The following XYLT1 variants were observed in gnomAD, a reference collection of about 807,000 sequenced individuals.
XYLT1 encodes beta-D-xylosyltransferase 1.
A neutral mutation model predicts 91.3 loss-of-function variants in XYLT1; 36 were observed. That is an observed-to-expected ratio of 0.39 (90% CI 0.30 to 0.52). The LOEUF (loss-of-function observed/expected upper bound fraction) is 0.52. Ranked by LOEUF, XYLT1 falls within the 20% of genes least tolerant of loss-of-function variation. The pLI is 0.68. For synonymous variants in XYLT1, 588 were observed against 532.0 expected, an observed-to-expected ratio of 1.11 and a Z score of -1.45; for missense variants, 1,242 against 1,284.5, an observed-to-expected ratio of 0.97 and a Z score of 0.51.
Position 17,469,575 on chromosome 16 carries a change from C to A in XYLT1, c.363+859G>T, listed in dbSNP as rs1352068519. Among the ~76,000 whole-genome samples, 3 of 152,190 alleles carry A rather than the reference C, an allele frequency of 2.0e-5. No individual in the cohort carries two copies. The South Asian group carries it at 6.2e-4, about 32-fold the overall frequency. ...ACAAGTCAGTTCCCCACCCAGCCAC[C>A]CAGATGGCCCCAGATCTGCGGAAAA... On this transcript the variant is annotated intron_variant, in intron 1 of 11. Coordinates refer to ENST00000261381, the MANE Select transcript of XYLT1 (RefSeq NM_022166.4).
intron 1 of XYLT1, among the ~76,000 whole-genome samples, chr16:17,368,204 G>T (rs542860416): frequency 6.6e-6 from 1 of 152,152 alleles, no homozygotes; most frequent in Non-Finnish European, 1.5e-5. Context: ...GCTACAGCTC[G>T]GGATGTAGAG....
At chr16:17,267,762 T>C (rs2033828662) in intron 2 of XYLT1, among the ~76,000 whole-genome samples, 1 of 152,194 alleles carries the variant, frequency 6.6e-6, no homozygotes, top group Admixed American at 6.5e-5. Flanking sequence ...GGTTGAAATC[T>C]GGACCCTGGC....
intron 2 of XYLT1, among the ~76,000 whole-genome samples, chr16:17,325,058 G>GA (rs953380146): frequency 6.6e-5 from 10 of 150,722 alleles, no homozygotes; most frequent in Admixed American, 4.0e-4. Flanking sequence ...TAGCCTCATG[G>GA]AAAAAAAAAT....
chr16:17,239,858 A>C (rs1223171281), intron 3 of XYLT1, among the ~76,000 whole-genome samples: 4 of 152,058 alleles, frequency 2.6e-5, no homozygotes, highest in Non-Finnish European at 4.4e-5. Context: ...TCCATCCATT[A>C]ATTGACTCAT....
At chr16:17,278,169 C>T (rs1188953169) in intron 2 of XYLT1, among the ~76,000 whole-genome samples, 1 of 152,150 alleles carries the variant, frequency 6.6e-6, no homozygotes. Context: ...GCCAGCCGTG[C>T]CCAGACTTCT....
intron 5 of XYLT1, among the ~76,000 whole-genome samples, chr16:17,191,329 G>A (rs1252569225): frequency 2.6e-5 from 4 of 152,176 alleles, no homozygotes; most frequent in African/African-American, 9.7e-5. Context: ...AGACTAAAGG[G>A]ATGTGATCTG....
chr16:17,235,552 A>T (rs983436757), intron 3 of XYLT1, among the ~76,000 whole-genome samples: 10 of 152,180 alleles, frequency 6.6e-5, no homozygotes, highest in Admixed American at 2.0e-4. Context: ...TGTATGCACG[A>T]AAGGGACTGT....
At chr16:17,159,761 C>T (rs1416264437) in intron 5 of XYLT1, among the ~76,000 whole-genome samples, 1 of 152,196 alleles carries the variant, frequency 6.6e-6, no homozygotes, top group African/African-American at 2.4e-5. Context: ...AATTTATCCC[C>T]ATCAATCTCA....
intron 2 of XYLT1, among the ~76,000 whole-genome samples, chr16:17,325,435 T>C (rs1409699483): frequency 2.0e-5 from 3 of 152,192 alleles, no homozygotes; most frequent in Admixed American, 6.5e-5. Context: ...TAGAAGATGC[T>C]TTTGCAATTT....
At chr16:17,168,563 T>A (rs2031752617) in intron 5 of XYLT1, among the ~76,000 whole-genome samples, 1 of 151,922 alleles carries the variant, frequency 6.6e-6, no homozygotes, top group Admixed American at 6.6e-5. Context: ...GGAGCAAACC[T>A]GCACACGTAC....
Position 17,343,987 on chromosome 16 carries a change from G to A in XYLT1, c.402+14025C>T, listed in dbSNP as rs111740106. Among the ~76,000 whole-genome samples, 405 of 152,270 alleles carry A rather than the reference G, an allele frequency of 2.7e-3. 2 individuals carry two copies. Among genetic ancestry groups the A allele is most frequent in the African/African-American group, 9.2e-3 (384 of 41,536 alleles). On this transcript the variant is annotated intron_variant, in intron 2 of 11. Coordinates refer to ENST00000261381, the MANE Select transcript of XYLT1 (RefSeq NM_022166.4). ...CCAGCTCCGTCTCATTACAGTCAACGGGTGTTGATTTTTACACATTCTCTG... is the reference window on the plus strand; with the variant it reads ...CCAGCTCCGTCTCATTACAGTCAACAGGTGTTGATTTTTACACATTCTCTG...
At chr16:17,157,908 C>CT (rs376389099) in intron 6 of XYLT1, among the ~76,000 whole-genome samples, 5 of 152,306 alleles carry the variant, frequency 3.3e-5, no homozygotes, top group African/African-American at 1.2e-4. Context: ...GCCACCACAC[C>CT]TGGCTAATTT....
At chr16:17,390,112 A>T (rs2035798416) in intron 1 of XYLT1, among the ~76,000 whole-genome samples, 1 of 152,184 alleles carries the variant, frequency 6.6e-6, no homozygotes, top group African/African-American at 2.4e-5. Context: ...CAGGGAAGTC[A>T]ACTCTAGGTT....
chr16:17,418,809 C>A (rs1170184871), intron 1 of XYLT1, among the ~76,000 whole-genome samples: 1 of 151,766 alleles, frequency 6.6e-6, no homozygotes, highest in Admixed American at 6.6e-5. Context: ...GATGGTACCA[C>A]TGCACTCCAG....
At chr16:17,264,123 T>G (rs905470377) in intron 2 of XYLT1, among the ~76,000 whole-genome samples, 3 of 152,202 alleles carry the variant, frequency 2.0e-5, no homozygotes, top group African/African-American at 7.2e-5. Flanking sequence ...TTGCATGTAC[T>G]ACTATATTGT....
At chr16:17,206,568 A>G (rs2141594927) in intron 3 of XYLT1, among the ~76,000 whole-genome samples, 1 of 152,224 alleles carries the variant, frequency 6.6e-6, no homozygotes, top group South Asian at 2.1e-4. Context: ...CATGTCAAAT[A>G]CTTATCATGC....
At chr16:17,407,214 G>A (rs2036044785) in intron 1 of XYLT1, among the ~76,000 whole-genome samples, 1 of 152,080 alleles carries the variant, frequency 6.6e-6, no homozygotes, top group Non-Finnish European at 1.5e-5. Context: ...TTGGCCAGCA[G>A]TCTTGAACTC....
chr16:17,318,403 C>A (rs1368223782), intron 2 of XYLT1, among the ~76,000 whole-genome samples: 1 of 152,186 alleles, frequency 6.6e-6, no homozygotes, highest in Non-Finnish European at 1.5e-5. Context: ...CATCACAAGG[C>A]CAAGATTGTG....
rs558543243 is a variant in XYLT1, at chr16:17,105,136, T to C, written c.*3559A>G. On this transcript the variant is annotated 3_prime_UTR_variant, in exon 12 of 12. Transcript: ENST00000261381. The stretch of plus-strand genomic sequence containing the variant: ...AACTTGGTTGTGAAAGGACTCTTTA[T>C]TCACACCCCACTGCCAGTAGCTACT... 4 of 152,346 alleles carry C rather than the reference T, an allele frequency of 2.6e-5. No individual in the cohort carries two copies. The highest frequency in any genetic ancestry group is 2.1e-4 in the South Asian group (1 of 4,822). 9.4% of individuals were successfully genotyped at this position (152,346 alleles called of 1,614,324 possible).
Sources: gnomAD v4.1 joint callset for allele counts (sites outside exome capture counted in the v4.1 genomes callset) on GRCh38, gnomAD v4.1.1 for gene constraint, MANE v1.5 for transcripts, NCBI Gene and HGNC (gene_info 2026-07-23, HGNC 2026-07-21) for gene names.